Variants in ANKRD17 observed in about 807,000 individuals in gnomAD.
ANKRD17 encodes ankyrin repeat domain-containing protein 17.
In ANKRD17, 19 loss-of-function variants were observed where a neutral mutation model predicts 229.7. The ratio of observed to expected loss-of-function variants is 0.08; its 90% CI spans 0.06 to 0.12. The LOEUF is 0.12. Ranked by LOEUF, ANKRD17 falls within the 10% of genes least tolerant of loss-of-function variation. The pLI is 1.00. For synonymous variants in ANKRD17, 1,112 were observed against 1,146.1 expected (o/e 0.97, Z 0.60); for missense variants, 2,176 against 3,176.8 (o/e 0.68, Z 7.57).
chr4:73,184,098 G>C (rs1387194615), intron 1 of ANKRD17, among the ~76,000 whole-genome samples: 1 of 151,994 alleles, frequency 6.6e-6, no homozygotes, highest in Non-Finnish European at 1.5e-5. Flanking sequence ...TTGGTAATGC[G>C]GGGTCATTTG....
chr4:73,216,119 CTAGT>C (rs1474441155), intron 1 of ANKRD17, among the ~76,000 whole-genome samples: 1 of 152,030 alleles, frequency 6.6e-6, no homozygotes, highest in Non-Finnish European at 1.5e-5. Context: ...ATATGAGAGT[CTAGT>C]TATCTTCCAT....
intron 1 of ANKRD17, among the ~76,000 whole-genome samples, chr4:73,243,793 T>C (rs1744248767): frequency 6.6e-6 from 1 of 152,270 alleles, no homozygotes; most frequent in African/African-American, 2.4e-5. Context: ...AAGAAATTTC[T>C]GGTCAATGGG....
chr4:73,091,019 G>A lies in ANKRD17; in HGVS notation c.6609C>T (p.Leu2203=), dbSNP rs6855349. ...GAGGTCTTTTAATGTGATTGACACTGAGGACTGCAACAGATGAATTTTGCA... is the reference window on the plus strand; with the variant it reads ...GAGGTCTTTTAATGTGATTGACACTAAGGACTGCAACAGATGAATTTTGCA... The part of the protein sequence containing the change: ...ASVQNSSVAV[L]SVNHIKRPHS... Residue 2203 remains leucine, a synonymous_variant, in exon 29 of 34, where the codon CTC becomes CTT. Coordinates refer to ENST00000358602, the MANE Select transcript of ANKRD17 (RefSeq NM_032217.5). The A allele has an allele frequency of 0.42, 670,665 of 1,613,908 alleles. 141,813 individuals carry two copies. Among genetic ancestry groups the A allele is most frequent in the South Asian group, 0.45 (41,409 of 91,070 alleles).
intron 1 of ANKRD17, among the ~76,000 whole-genome samples, chr4:73,198,528 A>C (rs1382667043): frequency 1.3e-5 from 2 of 152,154 alleles, no homozygotes; most frequent in African/African-American, 4.8e-5. Flanking sequence ...ATGTATATGC[A>C]AAATTTCATC....
At chr4:73,140,325 C>T (rs1411472070) in intron 14 of ANKRD17, 42 bp from the exon 15 acceptor site, 1 of 1,530,856 alleles carries the variant, frequency 6.5e-7, no homozygotes, top group Non-Finnish European at 8.7e-7. Flanking sequence ...ACATGAATGG[C>T]ATCCTCATTA....
Position 73,101,042 on chromosome 4 carries a change from T to C in ANKRD17, c.4573+1334A>G, listed in dbSNP as rs985659586. Reference sequence around the variant, plus strand: ...ATTTACATAGCATTTGCGTTAGGTATTAGAGGTAATGTAGAGATGATTTAA... The same window carrying C: ...ATTTACATAGCATTTGCGTTAGGTACTAGAGGTAATGTAGAGATGATTTAA... On this transcript the variant is annotated intron_variant, in intron 25 of 33. Transcript: ENST00000358602. 7 of 915,440 alleles carry C rather than the reference T, an allele frequency of 7.6e-6. No individual in the cohort carries two copies. In the African/African-American group the frequency reaches 1.3e-4, roughly 16 times the overall value. 56.7% of individuals were successfully genotyped at this position (915,440 alleles called of 1,614,324 possible). A position where few individuals can be genotyped will look rare whatever the true frequency, so the allele number is the denominator to read the frequency against.
At chr4:73,258,798 T>TGCC (rs1203341924), upstream of ANKRD17, 5,303 of 1,139,240 alleles carry the variant, frequency 4.7e-3, 9 homozygotes, top group Admixed American at 6.4e-3. Context: ...TCACCTCTAC[T>TGCC]GCCGCCGCCG....
intron 1 of ANKRD17, among the ~76,000 whole-genome samples, chr4:73,254,252 G>A (rs1745265607): frequency 6.6e-6 from 1 of 152,048 alleles, no homozygotes; most frequent in South Asian, 2.1e-4. Flanking sequence ...TTTTCTGTCT[G>A]TAAACAGATC....
intron 2 of ANKRD17, among the ~76,000 whole-genome samples, chr4:73,161,791 T>A (rs1732557763): frequency 6.6e-6 from 1 of 152,174 alleles, no homozygotes; most frequent in Non-Finnish European, 1.5e-5. Context: ...CTGATAAAAT[T>A]ATTTTTAACT....
intron 15 of ANKRD17, among the ~76,000 whole-genome samples, chr4:73,136,806 T>C (rs1466786382): frequency 1.3e-5 from 2 of 152,052 alleles, no homozygotes; most frequent in Non-Finnish European, 2.9e-5. Context: ...ATAAAACTGC[T>C]AAATACAAAA....
chr4:73,122,182 T>C (rs551560344), intron 18 of ANKRD17, among the ~76,000 whole-genome samples: 2 of 152,282 alleles, frequency 1.3e-5, no homozygotes, highest in Non-Finnish European at 2.9e-5. Flanking sequence ...AGGTCCTATA[T>C]TTTCACAAGA....
chr4:73,246,320 T>C (rs769170821), intron 1 of ANKRD17, among the ~76,000 whole-genome samples: 13 of 152,196 alleles, frequency 8.5e-5, no homozygotes, highest in Non-Finnish European at 1.8e-4. Flanking sequence ...TCCTACTCAC[T>C]ACTACACAAT....
intron 1 of ANKRD17, among the ~76,000 whole-genome samples, chr4:73,250,086 G>C (rs1168851409): frequency 1.3e-5 from 2 of 152,010 alleles, no homozygotes. Flanking sequence ...TTATGATTCT[G>C]GTTATCGCCA....
intron 24 of ANKRD17, among the ~76,000 whole-genome samples, chr4:73,109,943 T>A (rs1725099945): frequency 7.0e-6 from 1 of 141,974 alleles, no homozygotes; most frequent in African/African-American, 2.6e-5. Flanking sequence ...GAATGAAATG[T>A]GTGAAACCGA....
Position 73,161,301 on chromosome 4 carries a change from C to T in ANKRD17, c.595G>A (p.Glu199Lys). ...TADGKAFADPEVLRRLTSSVS... is the reference protein window; with the variant it reads ...TADGKAFADPKVLRRLTSSVS... ...GACGATGTCAACCTCCGAAGTACTT[C>T]AGGATCTGCAAAGGCTTTACCATCA... The change falls in exon 3 of 34, where the codon GAA becomes AAA. Residue 199 changes from glutamate to lysine, a missense_variant. Coordinates refer to ENST00000358602, the MANE Select transcript of ANKRD17 (RefSeq NM_032217.5). 6.2e-7 allele frequency: 1 copy of T among 1,614,232 alleles called. No homozygotes were observed. Among genetic ancestry groups the T allele is most frequent in the Non-Finnish European group, 8.5e-7 (1 of 1,180,046 alleles).
chr4:73,240,668 A>G (rs532805157), intron 1 of ANKRD17, among the ~76,000 whole-genome samples: 32 of 152,130 alleles, frequency 2.1e-4, no homozygotes, highest in Non-Finnish European at 4.4e-4. Context: ...GACTTGATTA[A>G]GTGGAAAACA....
intron 1 of ANKRD17, among the ~76,000 whole-genome samples, chr4:73,251,778 T>C (rs945519206): frequency 1.3e-5 from 2 of 152,164 alleles, no homozygotes; most frequent in African/African-American, 4.8e-5. Context: ...ACTACTGTCA[T>C]AAATGCAACT....
chr4:73,082,699 C>G (rs956372186), intron 30 of ANKRD17, among the ~76,000 whole-genome samples: 15 of 152,118 alleles, frequency 9.9e-5, no homozygotes, highest in Non-Finnish European at 2.9e-5. Flanking sequence ...TAGCAAACAA[C>G]TGGCTTGTAG....
At chr4:73,233,825 T>G (rs760082775) in intron 1 of ANKRD17, among the ~76,000 whole-genome samples, 1 of 152,228 alleles carries the variant, frequency 6.6e-6, no homozygotes, top group Non-Finnish European at 1.5e-5. Context: ...TTCCACTGCC[T>G]TCAAGCATTC....
Sources: gnomAD v4.1 joint callset for allele counts (sites outside exome capture counted in the v4.1 genomes callset) on GRCh38, gnomAD v4.1.1 for gene constraint, MANE v1.5 for transcripts, NCBI Gene and HGNC (gene_info 2026-07-23, HGNC 2026-07-21) for gene names.